Variants in GTF2IRD1 observed in about 807,000 individuals in gnomAD.
The protein encoded by GTF2IRD1 is GTF2I repeat domain containing 1, also known as general transcription factor II-I repeat domain-containing protein 1.
GTF2IRD1 carries 26 observed loss-of-function variants against 113.2 expected under a neutral mutation model. The observed-to-expected ratio is 0.23, with a 90% confidence interval of 0.17 to 0.32. GTF2IRD1 has a LOEUF of 0.32. Ranked by LOEUF, GTF2IRD1 falls within the 10% of genes least tolerant of loss-of-function variation. GTF2IRD1 has a pLI of 1.00. For synonymous variants in GTF2IRD1, 484 were observed against 529.1 expected (o/e 0.91, Z 1.17); for missense variants, 864 against 1,280.8 (o/e 0.67, Z 4.97).
At chr7:74,579,296 T>A (rs1363458900) in intron 22 of GTF2IRD1, among the ~76,000 whole-genome samples, 1 of 151,746 alleles carries the variant, frequency 6.6e-6, no homozygotes, top group Non-Finnish European at 1.5e-5. Context: ...TGAGACTACA[T>A]CTCTAAAAAA....
At chr7:74,519,333 C>T (rs143199776) in intron 5 of GTF2IRD1, 76 bp from the exon 6 acceptor site, 53 of 1,016,230 alleles carry the variant, frequency 5.2e-5, no homozygotes, top group African/African-American at 1.1e-4. Context: ...GGCAGGGATG[C>T]GGGGTTTTCG....
Position 74,593,796 on chromosome 7 carries a change from C to G in GTF2IRD1, c.2592-1218C>G, listed in dbSNP as rs1326530822. On this transcript the variant is annotated intron_variant, in intron 24 of 26. Transcript: ENST00000424337. Reference sequence around the variant, plus strand: ...GCATGTGCCTGTAGTCCCAGCTACTCAGGAGGCTAAGACAGGAGAATTGCT... The same window carrying G: ...GCATGTGCCTGTAGTCCCAGCTACTGAGGAGGCTAAGACAGGAGAATTGCT... Among the ~76,000 whole-genome samples the G allele has an allele frequency of 9.3e-5, 14 of 151,086 alleles. No homozygotes were observed. The East Asian group carries it at 2.7e-3, about 29-fold the overall frequency.
At chr7:74,516,531 TC>T (rs1796936312) in intron 4 of GTF2IRD1, among the ~76,000 whole-genome samples, 1 of 152,202 alleles carries the variant, frequency 6.6e-6, no homozygotes, top group African/African-American at 2.4e-5. Context: ...ATCGGGCAGG[TC>T]CCTTTGGTGC....
chr7:74,595,262 T>C (rs1176650776), intron 25 of GTF2IRD1, among the ~76,000 whole-genome samples: 4 of 151,248 alleles, frequency 2.6e-5, no homozygotes, highest in Non-Finnish European at 5.9e-5. Context: ...AACAATTAGC[T>C]GGGCGTGGTC....
rs61694825 is a variant in GTF2IRD1 at position 74,468,676 on chromosome 7, CTGTGTGTGTGTGTGTGTG to C, written c.-7+14530_-7+14547del. Among the ~76,000 whole-genome samples the C allele has an allele frequency of 1.9e-3, 242 of 129,394 alleles. 4 individuals are homozygous for C. Among genetic ancestry groups the C allele is most frequent in the South Asian group, 9.5e-3 (37 of 3,914 alleles). 84.9% of individuals were successfully genotyped at this position (129,394 alleles called of 152,430 possible). A position where few individuals can be genotyped will look rare whatever the true frequency, so the allele number is the denominator to read the frequency against. ...ACTCCATCTCCAAAAAAAAAAAAAA[CTGTGTGTGTGTGTGTGTG>C]TGTGTGTGTGTGTGTGTGTGTGTGT... is the stretch of plus-strand genomic sequence containing the variant. On this transcript the variant is annotated intron_variant, in intron 1 of 26. Transcript: ENST00000424337.
Position 74,594,934 on chromosome 7 carries a change from C to G in GTF2IRD1, c.2592-80C>G, listed in dbSNP as rs587769298. On this transcript the variant is annotated intron_variant, in intron 24 of 26. Transcript: ENST00000424337. ...GCCACTGCACTTCAGCCTGGGCAACCGAGTGAGACTCCATCTCAAAAAAAT... is the reference window on the plus strand; with the variant it reads ...GCCACTGCACTTCAGCCTGGGCAACGGAGTGAGACTCCATCTCAAAAAAAT... 3.5e-5 allele frequency: 33 copies of G among 954,182 alleles called. No homozygotes were observed. In the Admixed American group the frequency reaches 5.5e-4, roughly 16 times the overall value. 59.1% of individuals were successfully genotyped at this position (954,182 alleles called of 1,614,324 possible).
intron 22 of GTF2IRD1, among the ~76,000 whole-genome samples, chr7:74,583,562 C>T (rs189617096): frequency 1.9e-3 from 290 of 151,808 alleles, no homozygotes; most frequent in Non-Finnish European, 3.4e-3. Flanking sequence ...GTGGTCAGGA[C>T]GCCTCCCCAA....
intron 1 of GTF2IRD1, among the ~76,000 whole-genome samples, chr7:74,496,307 TGG>T (rs1321000084): frequency 2.3e-5 from 3 of 132,550 alleles, no homozygotes; most frequent in Admixed American, 7.7e-5. Context: ...TGCATGTGTG[TGG>T]GGGTGGGGGT....
intron 1 of GTF2IRD1, among the ~76,000 whole-genome samples, chr7:74,499,019 C>T (rs1180979912): frequency 6.6e-6 from 1 of 152,248 alleles, no homozygotes; most frequent in African/African-American, 2.4e-5. Context: ...CATGAGCCAT[C>T]GCACCCAGCC....
chr7:74,532,205 C>T (rs587728099), intron 9 of GTF2IRD1, among the ~76,000 whole-genome samples: 27 of 151,694 alleles, frequency 1.8e-4, no homozygotes, highest in Non-Finnish European at 3.5e-4. Context: ...GATGCTGTCT[C>T]GAACCCACAT....
At chr7:74,575,898 C>T (rs923834706) in intron 22 of GTF2IRD1, among the ~76,000 whole-genome samples, 13 of 152,152 alleles carry the variant, frequency 8.5e-5, no homozygotes, top group African/African-American at 3.1e-4. Context: ...TAAAACAGGC[C>T]GGGTCCAGTG....
chr7:74,522,095 A>G (rs1797332700), intron 7 of GTF2IRD1, among the ~76,000 whole-genome samples: 1 of 152,140 alleles, frequency 6.6e-6, no homozygotes, highest in Non-Finnish European at 1.5e-5. Flanking sequence ...TATTGATCCA[A>G]AAGAGAGGAA....
At chr7:74,495,568 A>G (rs1263758152) in intron 1 of GTF2IRD1, among the ~76,000 whole-genome samples, 2 of 152,058 alleles carry the variant, frequency 1.3e-5, no homozygotes, top group Non-Finnish European at 2.9e-5. Context: ...CCGGGCACAC[A>G]CAGATGAAAG....
chr7:74,505,357 A>G lies in GTF2IRD1; in HGVS notation c.-6-2718A>G, dbSNP rs569191315. Among the ~76,000 whole-genome samples, 8 of 152,120 alleles carry G rather than the reference A, an allele frequency of 5.3e-5. No homozygotes were observed. The East Asian group carries it at 1.6e-3, about 30-fold the overall frequency. The stretch of plus-strand genomic sequence containing the variant: ...TGGAACCTGCCTCTCCCTCCATCTG[A>G]GGCCCTTTGCAGGGAGTGGCTGTCT... On this transcript the variant is annotated intron_variant, in intron 1 of 26. Transcript: ENST00000424337.
chr7:74,481,810 T>A (rs1008516759), intron 1 of GTF2IRD1, among the ~76,000 whole-genome samples: 1 of 152,252 alleles, frequency 6.6e-6, no homozygotes, highest in Admixed American at 6.5e-5. Context: ...GATTAATTTA[T>A]AGAATTATAA....
chr7:74,587,119 A>C (rs1323868002), intron 22 of GTF2IRD1, among the ~76,000 whole-genome samples: 1 of 151,998 alleles, frequency 6.6e-6, no homozygotes, highest in East Asian at 1.9e-4. Flanking sequence ...CTGTACTCCA[A>C]CCTGGGAAAC....
chr7:74,585,053 C>T (rs587710302), intron 22 of GTF2IRD1, among the ~76,000 whole-genome samples: 21 of 151,296 alleles, frequency 1.4e-4, no homozygotes, highest in African/African-American at 4.6e-4. Flanking sequence ...CCACCCACCT[C>T]GGCCTCCCAA....
At position 74,562,555 on chromosome 7, in the gene GTF2IRD1, C is replaced by CTTTTTTTTTT. The variant is rs1167468655; in HGVS notation, c.2320+2920_2320+2929dup. 4.9e-4 allele frequency among the ~76,000 whole-genome samples: 31 copies of CTTTTTTTTTT among 62,702 alleles called. 7 individuals carry two copies. The highest frequency in any genetic ancestry group is 1.8e-3 in the African/African-American group (23 of 12,564). The allele number at this position is 62,702 out of a possible 152,430, so 41.1% of individuals were successfully genotyped here. A position where few individuals can be genotyped will look rare whatever the true frequency, so the allele number is the denominator to read the frequency against. ...AGGACTATTTTCCGCCAATTGCCCT[C>CTTTTTTTTTT]TTTTTTTTTTTTTTTTTTTTTTTTT... On this transcript the variant is annotated intron_variant, in intron 22 of 26. Transcript: ENST00000424337.
chr7:74,535,156 A>G lies in GTF2IRD1; in HGVS notation c.1300+18A>G. ...TTTCACAGGTATGTGGGGACCATCT[A>G]GTCCATTCTGAAGTTTCCGGATTGG... On this transcript the variant is annotated intron_variant, in intron 10 of 26. Transcript: ENST00000424337. The G allele has an allele frequency of 6.2e-7, 1 of 1,607,104 alleles. No homozygotes were observed. The highest frequency in any genetic ancestry group is 1.1e-5 in the South Asian group (1 of 90,952).
Sources: allele counts gnomAD v4.1 joint callset (sites outside exome capture counted in the v4.1 genomes callset), GRCh38; gene constraint gnomAD v4.1.1; transcripts MANE v1.5; gene names NCBI Gene and HGNC (gene_info 2026-07-23, HGNC 2026-07-21).